Variants in NOTCH3 observed in about 807,000 individuals in gnomAD.
NOTCH3 encodes the protein notch receptor 3.
Under a neutral mutation model 213.3 loss-of-function variants are expected in NOTCH3, and 86 were observed. The observed-to-expected ratio is 0.40, with a 90% CI of 0.34 to 0.48. The LOEUF (loss-of-function observed/expected upper bound fraction) is 0.48, where lower values mean the gene tolerates loss of function less well. Among genes scored for constraint, NOTCH3 ranks in the 20% least tolerant of loss-of-function variants. NOTCH3 has a pLI of 0.57. For synonymous variants in NOTCH3, 1,354 were observed against 1,355.9 expected, an observed-to-expected ratio of 1.00 and a Z score of 0.03; for missense variants, 2,783 against 3,272.6, an observed-to-expected ratio of 0.85 and a Z score of 3.65.
rs1382454618 is a variant in NOTCH3, at chr19:15,159,067, G to A, written c.*1595C>T. The A allele has an allele frequency of 1.3e-5, 2 of 152,126 alleles. No individual in the cohort carries two copies. The highest frequency in any genetic ancestry group is 2.4e-5 in the African/African-American group (1 of 41,404). 9.4% of individuals were successfully genotyped at this position (152,126 alleles called of 1,614,324 possible). A position where few individuals can be genotyped will look rare whatever the true frequency, so the allele number is the denominator to read the frequency against. ...ACAAGTAAAGAAGTATTTATTACAT[G>A]GGTCCAAGGTTATCTCCAAAACCCA... On this transcript the variant is annotated 3_prime_UTR_variant, in exon 33 of 33. Transcript: ENST00000263388.
rs140567100 is a variant in NOTCH3, at chr19:15,162,483, C to T, written c.5895G>A (p.Lys1965=). 3.8e-5 allele frequency: 61 copies of T among 1,613,668 alleles called. No individual in the cohort carries two copies. In the African/African-American group the frequency reaches 7.1e-4, roughly 19 times the overall value. Residue 1965 remains lysine (K), a synonymous_variant, in exon 32 of 33, where the codon AAG becomes AAA. Transcript: ENST00000263388. ...TLALLKNGAN[K]DMQDSKEETP... The stretch of plus-strand genomic sequence containing the variant: ...GGCTCACCTTGCTATCCTGCATGTC[C>T]TTATTGGCTCCATTTTTGAGCAGGG...
rs1456886246 is a variant in NOTCH3, at chr19:15,159,270, T to G, written c.*1392A>C. The G allele has an allele frequency of 6.5e-6, 1 of 153,268 alleles. No individual in the cohort carries two copies. The allele number at this position is 153,268 out of a possible 1,614,324, so 9.5% of individuals were successfully genotyped here. On this transcript the variant is annotated 3_prime_UTR_variant, in exon 33 of 33. Coordinates refer to ENST00000263388, the MANE Select transcript of NOTCH3 (RefSeq NM_000435.3). The stretch of plus-strand genomic sequence containing the variant: ...AAGGAGCCATTTGAGCTCTCATTTC[T>G]GATTCTCCCTGAATATTAGCTTCAT...
At position 15,177,809 on chromosome 19, in the gene NOTCH3, C is replaced by G; in HGVS notation, c.4119G>C (p.Glu1373Asp). Residue 1373 changes from glutamate (E) to aspartate (D), a missense_variant, in exon 24 of 33, where the codon GAG becomes GAC. Coordinates refer to ENST00000263388, the MANE Select transcript of NOTCH3 (RefSeq NM_000435.3). ...AGACCTCGGGTGCCGCGGCGGGCGC[C>G]TCGCAGCGCGGCCCGGTCCAGCCCT... is the stretch of plus-strand genomic sequence containing the variant. ...CAQGWTGPRC[E>D]APAAAPEVSE... 7.9e-7 allele frequency: 1 copy of G among 1,259,550 alleles called. No individual in the cohort carries two copies. The highest frequency in any genetic ancestry group is 9.9e-7 in the Non-Finnish European group (1 of 1,007,934). 78.0% of individuals were successfully genotyped at this position (1,259,550 alleles called of 1,614,324 possible).
Position 15,180,999 on chromosome 19 carries a change from A to C in NOTCH3, c.2956T>G (p.Cys986Gly), listed in dbSNP as rs763321998. Residue 986 changes from cysteine (C) to glycine (G), a missense_variant, in exon 18 of 33, where the codon TGC (cysteine) becomes GGC (glycine). This residue lies in a region of NOTCH3 where 861 missense variants were observed against 909.1 expected (regional missense o/e 0.95). Coordinates refer to ENST00000263388, the MANE Select transcript of NOTCH3 (RefSeq NM_000435.3). ...VCSAAHPGFR[C>G]TCLESFTGPQ... ...CCCGTGAAGCTCTCGAGGCAGGTGC[A>C]GCGGAAGCCAGGGTGGGCGGCGCTG... 6.3e-7 allele frequency: 1 copy of C among 1,597,548 alleles called. No homozygotes were observed. The highest frequency in any genetic ancestry group is 2.3e-5 in the East Asian group (1 of 44,006).
rs530845180 is a variant in NOTCH3 at position 15,180,794 on chromosome 19, T to C, written c.3029A>G (p.Gln1010Arg). The change falls in exon 19 of 33, where the codon CAA becomes CGA. Residue 1010 changes from glutamine to arginine, a missense_variant. Transcript: ENST00000263388. ...LVDWCSRQPCQNGGRCVQTGA... is the reference protein window; with the variant it reads ...LVDWCSRQPCRNGGRCVQTGA... ...AGTCTGGACGCAGCGACCCCCGTTTTGACAAGGCTGGCGGCTGCACCAATC... is the reference window on the plus strand; with the variant it reads ...AGTCTGGACGCAGCGACCCCCGTTTCGACAAGGCTGGCGGCTGCACCAATC... 9.9e-6 allele frequency: 16 copies of C among 1,611,280 alleles called. No homozygotes were observed. The highest frequency in any genetic ancestry group is 1.4e-5 in the Non-Finnish European group (16 of 1,179,170).
At chr19:15,195,838 G>A (rs990220805) in intron 2 of NOTCH3, among the ~76,000 whole-genome samples, 1 of 151,538 alleles carries the variant, frequency 6.6e-6, no homozygotes, top group African/African-American at 2.4e-5. Flanking sequence ...TGCGTCCCGC[G>A]CCCCCGCCGA....
chr19:15,174,428 G>A, intron 24 of NOTCH3, 28 bp from the exon 25 acceptor site: 15 of 1,479,322 alleles, frequency 1.0e-5, no homozygotes, highest in Non-Finnish European at 1.4e-5. Flanking sequence ...GGCAGAGAGG[G>A]GCGGAGTCAG....
At chr19:15,167,938 TTATG>T (rs1331886788) in intron 28 of NOTCH3, among the ~76,000 whole-genome samples, 4 of 151,562 alleles carry the variant, frequency 2.6e-5, no homozygotes, top group Non-Finnish European at 4.4e-5. Flanking sequence ...CTTTAATTAT[TTATG>T]TATATATTTT....
intron 1 of NOTCH3, among the ~76,000 whole-genome samples, chr19:15,200,056 G>GA (rs1037175112): frequency 0.045 from 10 of 220 alleles, no homozygotes; most frequent in African/African-American, 0.11. Context: ...GAGGAGGGGC[G>GA]GGGGCCCCTG....
intron 2 of NOTCH3, 59 bp downstream of exon 2, chr19:15,197,441 G>GGGGGGGCCCCCCCCCCCCCCC: frequency 1.3e-6 from 1 of 768,362 alleles, no homozygotes; most frequent in Non-Finnish European, 2.3e-6. Context: ...AAGACAAATC[G>GGGGGGGCCCCCCCCCCCCCCC]CCCCTCCCCC....
At chr19:15,180,901 C>A in intron 18 of NOTCH3, 60 bp downstream of exon 18, 1 of 1,590,832 alleles carries the variant, frequency 6.3e-7, no homozygotes, top group Non-Finnish European at 8.5e-7. Flanking sequence ...CCCGACTTGG[C>A]TTCTCCCTCC....
intron 24 of NOTCH3, among the ~76,000 whole-genome samples, chr19:15,176,383 A>G (rs540444692): frequency 6.6e-6 from 1 of 152,010 alleles, no homozygotes; most frequent in East Asian, 1.9e-4. Context: ...GCCCAAGCTC[A>G]AACTCCTGAC....
In NOTCH3 at chr19:15,181,555, C is replaced by T. The variant is rs11669982; in HGVS notation, c.2792+21G>A. On this transcript the variant is annotated intron_variant, in intron 17 of 32. Transcript: ENST00000263388. ...CATCCCAAGCCAGAGTCCCTGCTCT[C>T]CAAGCAGAGGCCCCGCCCACCTGGG... The T allele has an allele frequency of 0.84, 1,305,344 of 1,545,354 alleles. 554,953 individuals are homozygous for T. Among genetic ancestry groups the T allele is most frequent in the Non-Finnish European group, 0.87 (995,417 of 1,142,734 alleles).
In NOTCH3 at chr19:15,180,707, G is replaced by A. The variant is rs2046832291; in HGVS notation, c.3116C>T (p.Pro1039Leu). ...SGRLCDIRSL[P>L]CREAAAQIGV... ...GATCTGGGCTGCGGCCTCCCTGCAG[G>A]GCAAGCTTCGGATGTCACAGAGGCG... Residue 1039 changes from proline to leucine, a missense_variant, in exon 19 of 33, where the codon CCC becomes CTC. Coordinates refer to ENST00000263388, the MANE Select transcript of NOTCH3 (RefSeq NM_000435.3). The A allele has an allele frequency of 1.3e-6, 2 of 1,562,264 alleles. No individual in the cohort carries two copies. The highest frequency in any genetic ancestry group is 1.2e-5 in the South Asian group (1 of 85,036).
rs775795440 is a variant in NOTCH3 at position 15,165,533 on chromosome 19, T to G, written c.5668-18A>C. 6.2e-7 allele frequency: 1 copy of G among 1,609,952 alleles called. No homozygotes were observed. Among genetic ancestry groups the G allele is most frequent in the Non-Finnish European group, 8.5e-7 (1 of 1,179,966 alleles). On this transcript the variant is annotated intron_variant, in intron 30 of 32. Coordinates refer to ENST00000263388, the MANE Select transcript of NOTCH3 (RefSeq NM_000435.3). This position sits in a 1 kb window ranked among gnomAD's most constrained non-coding sequence, Gnocchi z 4.7. The stretch of plus-strand genomic sequence containing the variant: ...ATGAGAATCTAGGACAGAGAGTGGA[T>G]GCAGCAGGAGGGGTCATGGCAGGAA...
chr19:15,195,975 G>C (rs977587668), intron 2 of NOTCH3, among the ~76,000 whole-genome samples: 12 of 151,434 alleles, frequency 7.9e-5, no homozygotes, highest in African/African-American at 2.9e-4. Context: ...TAGGAGATGG[G>C]GACGAGGTCT....
chr19:15,162,525 G>GTTGT lies in NOTCH3; in HGVS notation c.5849_5852dup (p.Asn1951LysfsTer16). ...TGAGCAGGGCCAAAGTGGCTTCCAC[G>GTTGT]TTGTTCACAGCCGCAGCCCAGTGTA... On this transcript the variant is annotated frameshift_variant, in exon 32 of 33. Coordinates refer to ENST00000263388, the MANE Select transcript of NOTCH3 (RefSeq NM_000435.3). LOFTEE classifies it high-confidence loss of function. 6.2e-7 allele frequency: 1 copy of GTTGT among 1,614,008 alleles called. No homozygotes were observed. Among genetic ancestry groups the GTTGT allele is most frequent in the Non-Finnish European group, 8.5e-7 (1 of 1,179,998 alleles).
chr19:15,188,165 G>A, intron 9 of NOTCH3, 70 bp downstream of exon 9: 1 of 1,228,830 alleles, frequency 8.1e-7, no homozygotes, highest in Non-Finnish European at 1.2e-6. Context: ...TGGTTTTACA[G>A]GTTCCCACCC....
chr19:15,173,716 C>T (rs112739703), intron 25 of NOTCH3, among the ~76,000 whole-genome samples: 1,929 of 91,346 alleles, frequency 0.021, 21 homozygotes, highest in Non-Finnish European at 0.027. Flanking sequence ...GCGACAGAGA[C>T]TCCGTCTCAA....
Sources: gnomAD v4.1 joint callset for allele counts (sites outside exome capture counted in the v4.1 genomes callset) on GRCh38, gnomAD v4.1.1 for gene constraint, gnomAD v4.1.1 regional missense constraint, Gnocchi (gnomAD v3.1) non-coding constraint, MANE v1.5 for transcripts, NCBI Gene and HGNC (gene_info 2026-07-23, HGNC 2026-07-21) for gene names.